The following DLG1 variants were observed in gnomAD, a reference collection of about 807,000 sequenced individuals.
DLG1 encodes discs large MAGUK scaffold protein 1.
DLG1 carries 42 observed loss-of-function variants against 123.4 expected under a neutral mutation model. The observed-to-expected ratio is 0.34, with a 90% CI of 0.27 to 0.44. The LOEUF is 0.44. Ranked by LOEUF, DLG1 falls within the 20% of genes least tolerant of loss-of-function variation. The pLI, the probability that DLG1 is intolerant of heterozygous loss-of-function variation, is 1.00. For synonymous variants in DLG1, 317 were observed against 356.2 expected (o/e 0.89, Z 1.24); for missense variants, 942 against 1,082.6 (o/e 0.87, Z 1.82).
chr3:197,206,937 T>C (rs777100167), intron 4 of DLG1, among the ~76,000 whole-genome samples: 3 of 152,246 alleles, frequency 2.0e-5, no homozygotes, highest in Non-Finnish European at 4.4e-5. Flanking sequence ...ATTGCTTTCA[T>C]TTAACTAAGT....
chr3:197,104,228 A>G (rs1468320413), intron 14 of DLG1, among the ~76,000 whole-genome samples: 1 of 152,158 alleles, frequency 6.6e-6, no homozygotes, highest in Non-Finnish European at 1.5e-5. Context: ...ATATCTGCTT[A>G]TGGTTTTTAT....
intron 4 of DLG1, among the ~76,000 whole-genome samples, chr3:197,229,369 G>A (rs1741656783): frequency 6.8e-6 from 1 of 147,638 alleles, no homozygotes; most frequent in Non-Finnish European, 1.5e-5. Flanking sequence ...GAGGTGGAAA[G>A]ATCACTTGAG....
At chr3:197,054,894 C>A (rs993328246) in intron 23 of DLG1, among the ~76,000 whole-genome samples, 1 of 152,088 alleles carries the variant, frequency 6.6e-6, no homozygotes, top group African/African-American at 2.4e-5. Flanking sequence ...CTACTCACTG[C>A]AACCTCCGCC....
chr3:197,298,770 G>A, upstream of DLG1: 1 of 395,422 alleles, frequency 2.5e-6, no homozygotes, highest in Non-Finnish European at 4.5e-6. Context: ...GTTACTCTTC[G>A]TCCCTTAGTA....
At chr3:197,170,790 G>A (rs995097598) in intron 5 of DLG1, among the ~76,000 whole-genome samples, 1 of 152,176 alleles carries the variant, frequency 6.6e-6, no homozygotes, top group Admixed American at 6.5e-5. Context: ...GTGTCTTCAT[G>A]ATGAACCCTT....
intron 4 of DLG1, among the ~76,000 whole-genome samples, chr3:197,195,795 G>A (rs1180413498): frequency 6.7e-6 from 1 of 148,898 alleles, no homozygotes; most frequent in Non-Finnish European, 1.5e-5. Flanking sequence ...CTACCTTGGT[G>A]ACAGGATCAT....
At position 197,044,319 on chromosome 3, in the gene DLG1, A is replaced by G; in HGVS notation, c.*304T>C. On this transcript the variant is annotated 3_prime_UTR_variant, in exon 25 of 25. Transcript: ENST00000667157. ...TAAAGCTTTTCCAAAAATCTCTTAAAGTTACTTTCCCTTAAACATTAAGGA... is the reference window on the plus strand; with the variant it reads ...TAAAGCTTTTCCAAAAATCTCTTAAGGTTACTTTCCCTTAAACATTAAGGA... 1 of 221,272 alleles carries G rather than the reference A, an allele frequency of 4.5e-6. No individual in the cohort carries two copies. Among genetic ancestry groups the G allele is most frequent in the Non-Finnish European group, 8.8e-6 (1 of 113,350 alleles). The allele number at this position is 221,272 out of a possible 1,614,324, so 13.7% of individuals were successfully genotyped here. A position where few individuals can be genotyped will look rare whatever the true frequency, so the allele number is the denominator to read the frequency against.
At chr3:197,065,469 G>C (rs1224086354) in intron 21 of DLG1, 21 bp from the exon 22 acceptor site, 1 of 1,556,032 alleles carries the variant, frequency 6.4e-7, no homozygotes, top group Admixed American at 2.1e-5. Context: ...AAAAAACTTG[G>C]GAAAGTGTTT....
At chr3:197,297,095 G>T (rs768168004) in intron 2 of DLG1, 91 bp downstream of exon 2, 121 of 1,426,496 alleles carry the variant, frequency 8.5e-5, no homozygotes, top group Non-Finnish European at 1.1e-4. Flanking sequence ...TCTCATCAAA[G>T]TTACACAAAC....
At chr3:197,177,229 G>C (rs1021165847) in intron 5 of DLG1, among the ~76,000 whole-genome samples, 5 of 152,084 alleles carry the variant, frequency 3.3e-5, no homozygotes, top group Non-Finnish European at 5.9e-5. Flanking sequence ...TGTCTGCCAA[G>C]GGTCAGCATC....
intron 3 of DLG1, among the ~76,000 whole-genome samples, chr3:197,284,014 C>T (rs571195989): frequency 5.3e-4 from 80 of 152,112 alleles, no homozygotes; most frequent in African/African-American, 1.7e-3. Context: ...GCACGTGCCA[C>T]CATGCCTGGC....
intron 4 of DLG1, among the ~76,000 whole-genome samples, chr3:197,195,382 C>A (rs1040385612): frequency 3.3e-5 from 5 of 151,518 alleles, no homozygotes; most frequent in South Asian, 4.2e-4. Context: ...GGGAAAAAAA[C>A]CAGTCAATCA....
At chr3:197,077,239 A>G (rs1747886725) in intron 17 of DLG1, among the ~76,000 whole-genome samples, 1 of 150,838 alleles carries the variant, frequency 6.6e-6, no homozygotes, top group Non-Finnish European at 1.5e-5. Flanking sequence ...AAATATATAT[A>G]TATTTATATA....
chr3:197,261,737 T>TAAGC (rs1213292428), intron 4 of DLG1, among the ~76,000 whole-genome samples: 1 of 152,186 alleles, frequency 6.6e-6, no homozygotes, highest in Non-Finnish European at 1.5e-5. Flanking sequence ...TATCAAATAG[T>TAAGC]AAGCATTATC....
chr3:197,225,598 C>T (rs2150551441), intron 4 of DLG1, among the ~76,000 whole-genome samples: 1 of 152,316 alleles, frequency 6.6e-6, no homozygotes, highest in African/African-American at 2.4e-5. Flanking sequence ...AGTAGCAACA[C>T]ATAAAAACCA....
At chr3:197,290,195 GAC>G (rs1307460884) in intron 3 of DLG1, among the ~76,000 whole-genome samples, 2 of 152,062 alleles carry the variant, frequency 1.3e-5, no homozygotes, top group Admixed American at 6.5e-5. Flanking sequence ...GTTCATGAAA[GAC>G]ACGGGAAAAA....
chr3:197,110,702 G>A (rs1182132749), intron 13 of DLG1, among the ~76,000 whole-genome samples: 12 of 152,180 alleles, frequency 7.9e-5, no homozygotes, highest in African/African-American at 1.4e-4. Flanking sequence ...TATAAAGTCC[G>A]TATTCTTTGT....
Position 197,076,579 on chromosome 3 carries a change from T to A in DLG1, c.2005+7A>T. On this transcript the variant is annotated splice_region_variant and intron_variant, in intron 18 of 24. Transcript: ENST00000667157. ...TTTTCAGTTGACCACTGGATCCACA[T>A]ACTTACGGTCAGCATCACTTGTTTC... The A allele has an allele frequency of 6.2e-7, 1 of 1,604,836 alleles. No homozygotes were observed. The highest frequency in any genetic ancestry group is 8.5e-7 in the Non-Finnish European group (1 of 1,173,132).
chr3:197,198,288 G>C (rs1274460269), intron 4 of DLG1, among the ~76,000 whole-genome samples: 1 of 152,110 alleles, frequency 6.6e-6, no homozygotes. Context: ...AGGAGTTCGA[G>C]ACTAGCCTTA....
Sources: allele counts gnomAD v4.1 joint callset (sites outside exome capture counted in the v4.1 genomes callset), GRCh38; gene constraint gnomAD v4.1.1; transcripts MANE v1.5; gene names NCBI Gene and HGNC (gene_info 2026-07-23, HGNC 2026-07-21).